DAAM1: variants seen among roughly 807,000 people sequenced by gnomAD.
DAAM1 encodes disheveled-associated activator of morphogenesis 1.
Under a neutral mutation model 130.0 loss-of-function variants are expected in DAAM1, and 52 were observed. That is an observed-to-expected ratio of 0.40 (90% CI 0.32 to 0.50). The LOEUF (loss-of-function observed/expected upper bound fraction) is 0.50, where lower values mean the gene tolerates loss of function less well. Ranked by LOEUF, DAAM1 falls within the 20% of genes least tolerant of loss-of-function variation. The probability of loss-of-function intolerance (pLI) is 0.61; values close to 1 mark genes in which losing one functional copy is unlikely to be tolerated. For synonymous variants in DAAM1, 452 were observed against 444.5 expected, an observed-to-expected ratio of 1.02 and a Z score of -0.21; for missense variants, 1,134 against 1,303.8, an observed-to-expected ratio of 0.87 and a Z score of 2.01.
chr14:59,238,367 C>T (rs113700670), intron 1 of DAAM1, among the ~76,000 whole-genome samples: 78 of 152,290 alleles, frequency 5.1e-4, no homozygotes, highest in African/African-American at 1.7e-3. Context: ...TGAACCCTTA[C>T]GGTACTGAAC....
intron 1 of DAAM1, among the ~76,000 whole-genome samples, chr14:59,201,711 T>G (rs1370045537): frequency 1.3e-5 from 2 of 151,800 alleles, no homozygotes; most frequent in East Asian, 1.9e-4. Flanking sequence ...GCGAAATCAC[T>G]TGAACCCAGG....
chr14:59,359,034 C>T (rs1217087987), intron 20 of DAAM1, among the ~76,000 whole-genome samples: 2 of 152,144 alleles, frequency 1.3e-5, no homozygotes, highest in Non-Finnish European at 2.9e-5. Context: ...GGAAGGTAAA[C>T]TTGAGCTTGT....
At chr14:59,189,263 A>T (rs1241098419) in intron 1 of DAAM1, among the ~76,000 whole-genome samples, 1 of 152,052 alleles carries the variant, frequency 6.6e-6, no homozygotes, top group East Asian at 1.9e-4. Flanking sequence ...GGACTCGTGT[A>T]CCCGTTCGCG....
At chr14:59,204,896 A>G (rs1440919737) in intron 1 of DAAM1, among the ~76,000 whole-genome samples, 2 of 152,178 alleles carry the variant, frequency 1.3e-5, no homozygotes, top group African/African-American at 4.8e-5. Flanking sequence ...GTAAATAAAA[A>G]TCATCAGAAT....
At chr14:59,251,952 C>T (rs545109363) in intron 1 of DAAM1, among the ~76,000 whole-genome samples, 1 of 152,214 alleles carries the variant, frequency 6.6e-6, no homozygotes, top group Non-Finnish European at 1.5e-5. Context: ...TAGTGCTGGC[C>T]ATGATGCAAA....
rs565030668 is a variant in DAAM1, at chr14:59,240,817, C to T, written c.-37-22624C>T. Among the ~76,000 whole-genome samples, 6 of 152,320 alleles carry T rather than the reference C, an allele frequency of 3.9e-5. No homozygotes were observed. In the South Asian group the frequency reaches 6.2e-4, roughly 16 times the overall value. ...CCAGGGGATGGAGTGACTTGATTGG[C>T]GAAGCCAATGCCATGTGTCCATCTC... On this transcript the variant is annotated intron_variant, in intron 1 of 24. Transcript: ENST00000360909.
chr14:59,252,019 C>T (rs1293484807), intron 1 of DAAM1, among the ~76,000 whole-genome samples: 1 of 152,182 alleles, frequency 6.6e-6, no homozygotes, highest in Non-Finnish European at 1.5e-5. Context: ...TGGAGAGACT[C>T]AAGCTCTAAT....
chr14:59,200,897 C>A (rs1054904059), intron 1 of DAAM1, among the ~76,000 whole-genome samples: 2 of 152,068 alleles, frequency 1.3e-5, no homozygotes, highest in African/African-American at 4.8e-5. Flanking sequence ...TGCGGTGGCT[C>A]GCTCCTGTAG....
chr14:59,371,358 T>C lies in DAAM1; in HGVS notation c.*2499T>C, dbSNP rs889425121. 6.6e-6 allele frequency: 1 copy of C among 152,152 alleles called. No homozygotes were observed. The highest frequency in any genetic ancestry group is 2.4e-5 in the African/African-American group (1 of 41,432). 9.4% of individuals were successfully genotyped at this position (152,152 alleles called of 1,614,324 possible). A position where few individuals can be genotyped will look rare whatever the true frequency, so the allele number is the denominator to read the frequency against. On this transcript the variant is annotated 3_prime_UTR_variant, in exon 25 of 25. Coordinates refer to ENST00000360909, the MANE Select transcript of DAAM1 (RefSeq NM_001270520.2). The stretch of plus-strand genomic sequence containing the variant: ...TGTGTTATGAGACTGTACATGTTTT[T>C]TTAAAAATAGCAATATGCAATAAAG...
intron 1 of DAAM1, among the ~76,000 whole-genome samples, chr14:59,196,865 G>T (rs921500111): frequency 6.6e-6 from 1 of 152,208 alleles, no homozygotes; most frequent in Non-Finnish European, 1.5e-5. Context: ...TTGAAAGTTG[G>T]TGAAATTGTG....
rs1249096093 is a variant in DAAM1, at chr14:59,363,678, C to T, written c.2722C>T (p.Pro908Ser). The change falls in exon 23 of 25, where the codon CCA (proline) becomes TCA (serine). Residue 908 changes from proline to serine, a missense_variant. Transcript: ENST00000360909. ...GCTGGAATATCAGAAGTCTCAGCCC[C>T]CACAGCCCGGAGATAAGTTTGTGTC... ...TELEYQKSQP[P>S]QPGDKFVSVV... 3.7e-6 allele frequency: 6 copies of T among 1,613,960 alleles called. No homozygotes were observed. The highest frequency in any genetic ancestry group is 5.1e-6 in the Non-Finnish European group (6 of 1,179,988).
At chr14:59,346,872 A>T (rs1177395805) in intron 16 of DAAM1, among the ~76,000 whole-genome samples, 1 of 152,236 alleles carries the variant, frequency 6.6e-6, no homozygotes, top group Non-Finnish European at 1.5e-5. Context: ...ATTTTTGCTT[A>T]AATCCTTCCC....
At chr14:59,267,011 A>G (rs1163053893) in intron 2 of DAAM1, among the ~76,000 whole-genome samples, 1 of 152,200 alleles carries the variant, frequency 6.6e-6, no homozygotes, top group African/African-American at 2.4e-5. Flanking sequence ...CTAATAGATG[A>G]TTTACACCCC....
At chr14:59,347,371 C>T (rs1419946254) in intron 16 of DAAM1, among the ~76,000 whole-genome samples, 168 bp from the exon 17 acceptor site, 1 of 152,158 alleles carries the variant, frequency 6.6e-6, no homozygotes, top group Non-Finnish European at 1.5e-5. Context: ...AATGTTAAAG[C>T]AGTTTTAAAG....
intron 3 of DAAM1, among the ~76,000 whole-genome samples, chr14:59,302,754 T>C (rs545607836): frequency 9.9e-5 from 15 of 152,266 alleles, no homozygotes; most frequent in Admixed American, 3.9e-4. Flanking sequence ...TCCAGGTTCA[T>C]GTAATTCTCC....
At chr14:59,212,049 C>A (rs1454207451) in intron 1 of DAAM1, among the ~76,000 whole-genome samples, 1 of 152,044 alleles carries the variant, frequency 6.6e-6, no homozygotes, top group Admixed American at 6.5e-5. Context: ...TTGTAACTTT[C>A]TTTATGTAGG....
At chr14:59,278,474 A>G (rs1883068059) in intron 2 of DAAM1, among the ~76,000 whole-genome samples, 1 of 152,188 alleles carries the variant, frequency 6.6e-6, no homozygotes, top group Admixed American at 6.6e-5. Context: ...TTATTTCTGG[A>G]ATTTATTCTT....
chr14:59,242,364 G>A (rs192095623), intron 1 of DAAM1, among the ~76,000 whole-genome samples: 5 of 152,030 alleles, frequency 3.3e-5, no homozygotes, highest in Non-Finnish European at 1.5e-5. Flanking sequence ...AATAATAATA[G>A]TAACAACAAC....
intron 4 of DAAM1, among the ~76,000 whole-genome samples, chr14:59,317,584 A>G (rs911245826): frequency 6.6e-6 from 1 of 152,146 alleles, no homozygotes; most frequent in African/African-American, 2.4e-5. Context: ...GTTTGTCCAC[A>G]TTGTCATCAC....
Sources: allele counts gnomAD v4.1 joint callset (sites outside exome capture counted in the v4.1 genomes callset), GRCh38; gene constraint gnomAD v4.1.1; transcripts MANE v1.5; gene names NCBI Gene and HGNC (gene_info 2026-07-23, HGNC 2026-07-21).